Variants in CASD1 observed in about 807,000 individuals in gnomAD.
CASD1 encodes N-acetylneuraminate (7)9-O-acetyltransferase.
CASD1 carries 41 observed loss-of-function variants against 100.0 expected under a neutral mutation model. The ratio of observed to expected loss-of-function variants is 0.41; its 90% CI spans 0.32 to 0.53. The LOEUF (loss-of-function observed/expected upper bound fraction) is 0.53. Ranked by LOEUF, CASD1 falls within the 20% of genes least tolerant of loss-of-function variation. The pLI is 0.25. For missense variants in CASD1, 774 were observed against 948.7 expected (o/e 0.82, Z 2.42); for synonymous variants, 321 against 315.6 (o/e 1.02, Z -0.18).
chr7:94,626,971 CTAA>C, the CASD1 span: 1 of 152,010 alleles, frequency 6.6e-6, no homozygotes, highest in African/African-American at 2.4e-5. Flanking sequence ...CTTCTTTAAT[CTAA>C]TAATGTGGTG....
chr7:94,559,300 GTGTGTA>G (rs1302045845), downstream of CASD1, among the ~76,000 whole-genome samples: 9 of 138,000 alleles, frequency 6.5e-5, no homozygotes, highest in African/African-American at 2.2e-4. Context: ...GTGTGTGTGT[GTGTGTA>G]TGTGTGTGTG....
the CASD1 span, chr7:94,587,210 A>C: frequency 8.1e-6 from 8 of 985,486 alleles, no homozygotes; most frequent in Non-Finnish European, 9.6e-6. Flanking sequence ...GCTCTGTATT[A>C]CTAAAATGTA....
the CASD1 span, among the ~76,000 whole-genome samples, chr7:94,564,909 C>T: frequency 6.6e-6 from 1 of 152,190 alleles, no homozygotes; most frequent in East Asian, 1.9e-4. Flanking sequence ...GGGAAATTGG[C>T]TAACTCTTTA....
intron 17 of CASD1, 38 bp from the exon 18 acceptor site, chr7:94,555,454 C>G: frequency 2.5e-6 from 4 of 1,577,802 alleles, no homozygotes; most frequent in South Asian, 1.1e-5. Context: ...ATTCATGGAC[C>G]CTCTATAAAT....
At chr7:94,558,841 C>T (rs1384560232), downstream of CASD1, among the ~76,000 whole-genome samples, 1 of 152,028 alleles carries the variant, frequency 6.6e-6, no homozygotes, top group African/African-American at 2.4e-5. Context: ...ACTCTGTCAC[C>T]TAGGCTGGAG....
At chr7:94,594,068 C>G in the CASD1 span, among the ~76,000 whole-genome samples, 1 of 151,972 alleles carries the variant, frequency 6.6e-6, no homozygotes, top group African/African-American at 2.4e-5. Flanking sequence ...TCTCTCTTGA[C>G]GTTCCTTTGA....
chr7:94,518,682 T>C (rs902461906), intron 3 of CASD1, among the ~76,000 whole-genome samples: 3 of 152,070 alleles, frequency 2.0e-5, no homozygotes, highest in African/African-American at 7.2e-5. Context: ...TCTCTTTTTT[T>C]AAAAAAACAT....
chr7:94,620,657 T>C, the CASD1 span: 1 of 152,228 alleles, frequency 6.6e-6, no homozygotes, highest in Non-Finnish European at 1.5e-5. Flanking sequence ...TGTTTTTACA[T>C]CCAGTTTTCT....
intron 5 of CASD1, among the ~76,000 whole-genome samples, chr7:94,531,057 A>G (rs940284778): frequency 2.0e-5 from 3 of 152,200 alleles, no homozygotes; most frequent in African/African-American, 4.8e-5. Flanking sequence ...TGAGGCATAA[A>G]TGAGAGATAA....
chr7:94,528,280 T>A (rs746237439), intron 5 of CASD1, 30 bp downstream of exon 5: 22 of 1,459,478 alleles, frequency 1.5e-5, no homozygotes, highest in East Asian at 9.1e-5. Context: ...AGGCTTTTTT[T>A]TTTTTTATTT....
At chr7:94,623,285 T>C in the CASD1 span, 2 of 1,258,790 alleles carry the variant, frequency 1.6e-6, no homozygotes, top group South Asian at 2.6e-5. Context: ...ATGAAATACT[T>C]CTTATAAATA....
At chr7:94,631,540 C>T in the CASD1 span, among the ~76,000 whole-genome samples, 1 of 151,838 alleles carries the variant, frequency 6.6e-6, no homozygotes, top group Non-Finnish European at 1.5e-5. Flanking sequence ...AAGTGGAATT[C>T]AATATGGCTC....
chr7:94,555,187 A>G (rs1248573730), intron 17 of CASD1, among the ~76,000 whole-genome samples: 1 of 152,078 alleles, frequency 6.6e-6, no homozygotes, highest in East Asian at 1.9e-4. Flanking sequence ...TATATTTTAG[A>G]GTTTTTAGAG....
At chr7:94,514,314 C>T (rs919292923) in intron 1 of CASD1, among the ~76,000 whole-genome samples, 1 of 152,094 alleles carries the variant, frequency 6.6e-6, no homozygotes, top group African/African-American at 2.4e-5. Flanking sequence ...ACACTCCTTG[C>T]TTGTCTAACG....
chr7:94,534,378 A>G (rs1215278315), intron 7 of CASD1, among the ~76,000 whole-genome samples: 1 of 152,006 alleles, frequency 6.6e-6, no homozygotes, highest in Non-Finnish European at 1.5e-5. Context: ...GTGTTTCATA[A>G]CATTAAAGTC....
the CASD1 span, among the ~76,000 whole-genome samples, chr7:94,592,976 T>C: frequency 6.6e-6 from 1 of 152,134 alleles, no homozygotes; most frequent in Non-Finnish European, 1.5e-5. Context: ...TGAAATATTC[T>C]TGGCTGCCTG....
the CASD1 span, chr7:94,628,928 G>A: frequency 2.6e-4 from 40 of 154,176 alleles, no homozygotes; most frequent in African/African-American, 9.4e-4. Context: ...TGTGTTAAAT[G>A]CTTTACAAGC....
intron 12 of CASD1, 93 bp from the exon 13 acceptor site, chr7:94,547,003 C>A: frequency 1.5e-6 from 1 of 680,316 alleles, no homozygotes; most frequent in Non-Finnish European, 2.4e-6. Flanking sequence ...ATTTTAAGAA[C>A]TATTCAGCAT....
At chr7:94,521,479 A>G (rs1031729591) in intron 3 of CASD1, among the ~76,000 whole-genome samples, 1 of 152,208 alleles carries the variant, frequency 6.6e-6, no homozygotes, top group Non-Finnish European at 1.5e-5. Context: ...AAAGTGTTCT[A>G]ATGTACTCTA....
Sources: allele counts gnomAD v4.1 joint callset (sites outside exome capture counted in the v4.1 genomes callset), GRCh38; gene constraint gnomAD v4.1.1; transcripts MANE v1.5; gene names NCBI Gene and HGNC (gene_info 2026-07-23, HGNC 2026-07-21).